The following NFATC2 variants were observed in gnomAD, a reference collection of about 807,000 sequenced individuals.
NFATC2 encodes nuclear factor of activated T cells 2.
In NFATC2, 22 loss-of-function variants were observed where a neutral mutation model predicts 87.3. The ratio of observed to expected loss-of-function variants is 0.25; its 90% CI spans 0.18 to 0.36. The LOEUF (loss-of-function observed/expected upper bound fraction) is 0.36. Among genes scored for constraint, NFATC2 ranks in the 10% least tolerant of loss-of-function variants. The probability of loss-of-function intolerance (pLI) is 1.00; values close to 1 mark genes in which losing one functional copy is unlikely to be tolerated. For synonymous variants in NFATC2, 565 were observed against 542.2 expected (o/e 1.04, Z -0.58); for missense variants, 1,149 against 1,259.1 (o/e 0.91, Z 1.32).
At chr20:51,503,118 G>A (rs1193543788) in intron 3 of NFATC2, among the ~76,000 whole-genome samples, 4 of 152,160 alleles carry the variant, frequency 2.6e-5, no homozygotes, top group East Asian at 1.9e-4. Context: ...CTGGCGGGAT[G>A]TCCAGAGAAC....
chr20:51,543,816 G>A (rs1191348208), upstream of NFATC2, among the ~76,000 whole-genome samples: 2 of 151,996 alleles, frequency 1.3e-5, no homozygotes, highest in Non-Finnish European at 2.9e-5. Flanking sequence ...CTCTGCCAGG[G>A]GGCTCCACCA....
At chr20:51,405,228 G>C (rs1988443365) in intron 9 of NFATC2, among the ~76,000 whole-genome samples, 1 of 152,028 alleles carries the variant, frequency 6.6e-6, no homozygotes, top group Admixed American at 6.6e-5. Flanking sequence ...CATCCTCCTA[G>C]TCCTCCCCCA....
At chr20:51,395,033 C>CTTGGTTTAAGGAAGCTGAT (rs1986857013) in intron 10 of NFATC2, among the ~76,000 whole-genome samples, 1 of 152,206 alleles carries the variant, frequency 6.6e-6, no homozygotes, top group African/African-American at 2.4e-5. Flanking sequence ...GTCTAGGTCC[C>CTTGGTTTAAGGAAGCTGAT]TTGGTTTAAG....
In NFATC2 at chr20:51,425,452, T is replaced by C. The variant is rs566395565; in HGVS notation, c.2722+6615A>G. Among the ~76,000 whole-genome samples, 144 of 152,270 alleles carry C rather than the reference T, an allele frequency of 9.5e-4. 1 individual carries two copies. The highest frequency in any genetic ancestry group is 9.0e-3 in the Admixed American group (137 of 15,298). On this transcript the variant is annotated intron_variant, in intron 9 of 10. Transcript: ENST00000371564. ...GCCCACAGCCTCTGGGCCACTTGGC[T>C]GGGCAACTGCCTGGCTCAGTTCTCA...
At chr20:51,398,850 T>TCTAGTTTA (rs1199158687) in intron 9 of NFATC2, 120 bp from the exon 10 acceptor site, 4 of 713,528 alleles carry the variant, frequency 5.6e-6, no homozygotes, top group Non-Finnish European at 9.7e-6. Context: ...ACCCTTTGGC[T>TCTAGTTTA]CTAGTTTAAG....
intron 9 of NFATC2, among the ~76,000 whole-genome samples, chr20:51,400,807 AGGCAGAGAAAGAT>A (rs1312378042): frequency 6.6e-6 from 1 of 151,888 alleles, no homozygotes; most frequent in Non-Finnish European, 1.5e-5. Flanking sequence ...CAAGTTAGTA[AGGCAGAGAAAGAT>A]GGGGCGACTT....
chr20:51,512,964 G>C (rs571554111), intron 3 of NFATC2, among the ~76,000 whole-genome samples: 3 of 152,200 alleles, frequency 2.0e-5, no homozygotes, highest in Non-Finnish European at 2.9e-5. Context: ...ACACTCCCTT[G>C]AAGGGTAAGA....
intron 1 of NFATC2, among the ~76,000 whole-genome samples, chr20:51,534,914 C>CA (rs931840684): frequency 1.3e-5 from 2 of 152,228 alleles, no homozygotes; most frequent in African/African-American, 4.8e-5. Flanking sequence ...GTCTGAGCTT[C>CA]ACCCACATTG....
Position 51,397,461 on chromosome 20 carries a change from C to T in NFATC2, c.*44+1182G>A, listed in dbSNP as rs376104564. ...ACGCTGGTCAGAGTCAGCCACAGGC[C>T]TGAGCCGCTGGCTTGCCAAAGTCCC... On this transcript the variant is annotated intron_variant, in intron 10 of 10. Transcript: ENST00000371564. 9.3e-4 allele frequency among the ~76,000 whole-genome samples: 141 copies of T among 152,344 alleles called. 5 individuals are homozygous for T. In the South Asian group the frequency reaches 0.026, roughly 28 times the overall value.
At chr20:51,528,968 G>A (rs2076589634) in intron 1 of NFATC2, among the ~76,000 whole-genome samples, 1 of 152,124 alleles carries the variant, frequency 6.6e-6, no homozygotes, top group East Asian at 1.9e-4. Flanking sequence ...TGGAGTTCTT[G>A]TGAGGCTGTA....
At chr20:51,516,991 A>C (rs747969598) in intron 2 of NFATC2, 36 bp from the exon 3 acceptor site, 6 of 1,580,572 alleles carry the variant, frequency 3.8e-6, no homozygotes, top group Non-Finnish European at 5.2e-6. Context: ...TGTGTGCAAT[A>C]AACCAAAATT....
intron 9 of NFATC2, among the ~76,000 whole-genome samples, chr20:51,410,256 ATT>A (rs1175847829): frequency 1.3e-5 from 2 of 151,946 alleles, no homozygotes; most frequent in African/African-American, 4.8e-5. Context: ...TTATGAGACA[ATT>A]GAGAATTTGA....
Position 51,475,498 on chromosome 20 carries a change from G to C in NFATC2, c.1495C>G (p.Leu499Val). ...YEKIVGNTKV[L>V]EIPLEPKNNM... Reference sequence around the variant, plus strand: ...TTTTTGGGCTCCAAGGGTATCTCCAGGACTTTGGTGTTGCCCACTATCTTC... The same window carrying C: ...TTTTTGGGCTCCAAGGGTATCTCCACGACTTTGGTGTTGCCCACTATCTTC... The change falls in exon 4 of 11, where the codon CTG becomes GTG. Residue 499 changes from leucine (L) to valine (V), a missense_variant. This residue lies in a region of NFATC2 where 581 missense variants were observed against 649.7 expected (regional missense o/e 0.89). Coordinates refer to ENST00000371564, the MANE Select transcript of NFATC2 (RefSeq NM_012340.5). 1 of 1,614,068 alleles carries C rather than the reference G, an allele frequency of 6.2e-7. No homozygotes were observed. Among genetic ancestry groups the C allele is most frequent in the East Asian group, 2.2e-5 (1 of 44,878 alleles).
intron 5 of NFATC2, among the ~76,000 whole-genome samples, chr20:51,473,501 C>T (rs939636536): frequency 6.6e-6 from 1 of 152,202 alleles, no homozygotes; most frequent in African/African-American, 2.4e-5. Context: ...CACCAGCTAG[C>T]TCCCGGGACT....
At position 51,523,503 on chromosome 20, in the gene NFATC2, T is replaced by G; in HGVS notation, c.738A>C (p.Ser246=). The change falls in exon 2 of 11, where the codon TCA becomes TCC. Residue 246 remains serine (S), a synonymous_variant. Transcript: ENST00000371564. This position sits in a 1 kb window ranked among gnomAD's most constrained non-coding sequence, Gnocchi z 6.9. ...SPVPRPASRS[S]SPGAKRRHSC... The stretch of plus-strand genomic sequence containing the variant: ...AATGCCTCCGCTTGGCACCAGGCGA[T>G]GAGGAGCGGGAGGCCGGACGGGGCA... 2.5e-6 allele frequency: 4 copies of G among 1,612,886 alleles called. No homozygotes were observed. Among genetic ancestry groups the G allele is most frequent in the Non-Finnish European group, 3.4e-6 (4 of 1,179,502 alleles).
At chr20:51,396,864 T>C (rs750641238) in intron 10 of NFATC2, among the ~76,000 whole-genome samples, 2 of 152,050 alleles carry the variant, frequency 1.3e-5, no homozygotes, top group African/African-American at 2.4e-5. Flanking sequence ...GAAGCGACTC[T>C]GAAGGCCAAG....
chr20:51,487,369 G>C (rs538169839), intron 3 of NFATC2, among the ~76,000 whole-genome samples: 1 of 152,330 alleles, frequency 6.6e-6, no homozygotes, highest in African/African-American at 2.4e-5. Context: ...TCTGGATAAA[G>C]AGCTAATGCA....
At chr20:51,476,772 C>A (rs983561397) in intron 3 of NFATC2, among the ~76,000 whole-genome samples, 81 of 152,206 alleles carry the variant, frequency 5.3e-4, no homozygotes, top group African/African-American at 1.7e-3. Flanking sequence ...GATATTTGAA[C>A]AGGAAATTCA....
At chr20:51,484,963 C>T (rs1033313986) in intron 3 of NFATC2, among the ~76,000 whole-genome samples, 32 of 152,234 alleles carry the variant, frequency 2.1e-4, no homozygotes, top group African/African-American at 6.8e-4. Context: ...ACATTCTGGA[C>T]AGGCTTGAAA....
Sources: allele counts gnomAD v4.1 joint callset (sites outside exome capture counted in the v4.1 genomes callset), GRCh38; gene constraint gnomAD v4.1.1; regional missense constraint gnomAD v4.1.1; non-coding constraint Gnocchi (gnomAD v3.1); transcripts MANE v1.5; gene names NCBI Gene and HGNC (gene_info 2026-07-23, HGNC 2026-07-21).